The following BCL2 variants were observed in gnomAD, a reference collection of about 807,000 sequenced individuals.
BCL2 encodes apoptosis regulator Bcl-2.
In BCL2, 1 loss-of-function variant was observed where a neutral mutation model predicts 14.2. The ratio of observed to expected loss-of-function variants is 0.07; its 90% CI spans 0.02 to 0.33. BCL2 has a LOEUF of 0.33. BCL2 is among the 10% of genes least tolerant of loss of function. BCL2 has a pLI of 0.99. For synonymous variants in BCL2, 151 were observed against 137.2 expected (o/e 1.10, Z -0.70); for missense variants, 247 against 305.9 (o/e 0.81, Z 1.44).
At chr18:63,133,730 C>G (rs1253943470) in intron 2 of BCL2, among the ~76,000 whole-genome samples, 1 of 152,122 alleles carries the variant, frequency 6.6e-6, no homozygotes, top group Non-Finnish European at 1.5e-5. Flanking sequence ...CCCAAAATAA[C>G]CCTTATGCCC....
chr18:63,169,295 TC>T (rs1568222389), intron 2 of BCL2, among the ~76,000 whole-genome samples: 3 of 93,746 alleles, frequency 3.2e-5, no homozygotes, highest in Admixed American at 2.2e-4. Context: ...TTTCTTTCTT[TC>T]TTTCTTTCTT....
intron 2 of BCL2, among the ~76,000 whole-genome samples, chr18:63,244,727 C>T (rs559821302): frequency 5.9e-5 from 9 of 152,252 alleles, no homozygotes; most frequent in South Asian, 4.1e-4. Context: ...TCATTTCATC[C>T]GTCCTAGGCA....
intron 2 of BCL2, among the ~76,000 whole-genome samples, chr18:63,135,146 T>C (rs1914177346): frequency 6.6e-6 from 1 of 152,236 alleles, no homozygotes; most frequent in South Asian, 2.1e-4. Flanking sequence ...AAATTCGTGG[T>C]GGACAGGAGC....
In BCL2 at chr18:63,168,947, T is replaced by A. The variant is rs73963703; in HGVS notation, c.586-40188A>T. Among the ~76,000 whole-genome samples, 1,461 of 152,312 alleles carry A rather than the reference T, an allele frequency of 9.6e-3. 20 individuals are homozygous for A. The highest frequency in any genetic ancestry group is 0.034 in the African/African-American group (1,413 of 41,566). ...CCTCAGGATTGAACACGCTCAGCGG[T>A]CATCTGTCTTTATCTTGGGGTCTTA... On this transcript the variant is annotated intron_variant, in intron 2 of 2. Coordinates refer to ENST00000333681, the MANE Select transcript of BCL2 (RefSeq NM_000633.3).
At chr18:63,299,087 T>C (rs1912882021) in intron 2 of BCL2, among the ~76,000 whole-genome samples, 1 of 152,252 alleles carries the variant, frequency 6.6e-6, no homozygotes, top group African/African-American at 2.4e-5. Context: ...CCCAGTACTG[T>C]TGTAAGAAAG....
Position 63,124,038 on chromosome 18 carries a change from G to C in BCL2, c.*4587C>G, listed in dbSNP as rs969275574. 6 of 221,508 alleles carry C rather than the reference G, an allele frequency of 2.7e-5. No individual in the cohort carries two copies. The South Asian group carries it at 1.1e-3, about 41-fold the overall frequency. 13.7% of individuals were successfully genotyped at this position (221,508 alleles called of 1,614,324 possible). On this transcript the variant is annotated 3_prime_UTR_variant, in exon 3 of 3. Coordinates refer to ENST00000333681, the MANE Select transcript of BCL2 (RefSeq NM_000633.3). ...GTTTGCTTGAAGTTATTTTTCTGGG[G>C]CAGTCCAGATGAACCGGTACAGTAC... is the stretch of plus-strand genomic sequence containing the variant.
At position 63,222,346 on chromosome 18, in the gene BCL2, G is replaced by A. The variant is rs996649348; in HGVS notation, c.586-93587C>T. Among the ~76,000 whole-genome samples, 3 of 150,838 alleles carry A rather than the reference G, an allele frequency of 2.0e-5. No homozygotes were observed. The East Asian group carries it at 5.8e-4, about 29-fold the overall frequency. ...GAAACAAAGAAAAGGAAAAATATCTGAGGTTGAACTGCCAGTATCACCCCC... is the reference window on the plus strand; with the variant it reads ...GAAACAAAGAAAAGGAAAAATATCTAAGGTTGAACTGCCAGTATCACCCCC... On this transcript the variant is annotated intron_variant, in intron 2 of 2. Coordinates refer to ENST00000333681, the MANE Select transcript of BCL2 (RefSeq NM_000633.3).
At chr18:63,253,844 A>AG (rs1347534843) in intron 2 of BCL2, among the ~76,000 whole-genome samples, 22 of 151,440 alleles carry the variant, frequency 1.5e-4, no homozygotes, top group African/African-American at 5.1e-4. Context: ...AGAAAAAAAA[A>AG]AAAGAAAGAA....
At chr18:63,169,303 TCTTTCTTC>T (rs201618484) in intron 2 of BCL2, among the ~76,000 whole-genome samples, 2,732 of 75,998 alleles carry the variant, frequency 0.036, 101 homozygotes, top group Middle Eastern at 0.12. Context: ...TTTCTTTCTT[TCTTTCTTC>T]CTTCCTTCCT....
Position 63,131,059 on chromosome 18 carries a change from C to T in BCL2, c.586-2300G>A, listed in dbSNP as rs542079108. 3.9e-5 allele frequency among the ~76,000 whole-genome samples: 6 copies of T among 152,154 alleles called. No individual in the cohort carries two copies. The East Asian group carries it at 1.2e-3, about 29-fold the overall frequency. ...GCTACTGGTATCTAGTGGGCAGAGGCCGCGGATGCTGTTCAACATCCCACA... is the reference window on the plus strand; with the variant it reads ...GCTACTGGTATCTAGTGGGCAGAGGTCGCGGATGCTGTTCAACATCCCACA... On this transcript the variant is annotated intron_variant, in intron 2 of 2. Transcript: ENST00000333681.
intron 2 of BCL2, among the ~76,000 whole-genome samples, chr18:63,179,906 T>A (rs1231628947): frequency 6.6e-6 from 1 of 152,228 alleles, no homozygotes; most frequent in Non-Finnish European, 1.5e-5. Flanking sequence ...GTTGTAAGTG[T>A]CCTTATTCTC....
chr18:63,292,189 AT>A (rs1360945488), intron 2 of BCL2, among the ~76,000 whole-genome samples: 5 of 151,000 alleles, frequency 3.3e-5, no homozygotes, highest in Non-Finnish European at 5.9e-5. Flanking sequence ...GGAAGGATTC[AT>A]CACAAACTCC....
intron 2 of BCL2, among the ~76,000 whole-genome samples, chr18:63,218,404 A>G (rs80340086): frequency 5.8e-4 from 88 of 152,122 alleles, no homozygotes; most frequent in African/African-American, 2.0e-3. Context: ...GAGAAGGGAA[A>G]AGCTCCTTCT....
chr18:63,159,159 C>G (rs1295438977), intron 2 of BCL2, among the ~76,000 whole-genome samples: 5 of 152,138 alleles, frequency 3.3e-5, no homozygotes, highest in Non-Finnish European at 7.3e-5. Context: ...TCTCTAGTTT[C>G]AAGATGAGAT....
intron 2 of BCL2, chr18:63,208,130 G>A (rs1365598927): frequency 6.6e-6 from 1 of 152,108 alleles, no homozygotes; most frequent in Non-Finnish European, 1.5e-5. Flanking sequence ...CACCTGTTAT[G>A]GAATATACTT....
chr18:63,282,229 T>C (rs1173497512), intron 2 of BCL2, among the ~76,000 whole-genome samples: 2 of 152,212 alleles, frequency 1.3e-5, no homozygotes, highest in Non-Finnish European at 2.9e-5. Flanking sequence ...TCTTGACACA[T>C]GTAATTAAGA....
At position 63,268,102 on chromosome 18, in the gene BCL2, A is replaced by G. The variant is rs1416115006; in HGVS notation, c.585+49980T>C. 2.0e-5 allele frequency among the ~76,000 whole-genome samples: 3 copies of G among 152,296 alleles called. No homozygotes were observed. The East Asian group carries it at 5.8e-4, about 29-fold the overall frequency. On this transcript the variant is annotated intron_variant, in intron 2 of 2. Coordinates refer to ENST00000333681, the MANE Select transcript of BCL2 (RefSeq NM_000633.3). ...CACTAGAAAGCTGTCACTGTTGTGTATGTGCGTCTGCACACCACCGTGAGT... is the reference window on the plus strand; with the variant it reads ...CACTAGAAAGCTGTCACTGTTGTGTGTGTGCGTCTGCACACCACCGTGAGT...
chr18:63,177,190 C>T (rs1490504150), intron 2 of BCL2, among the ~76,000 whole-genome samples: 2 of 151,822 alleles, frequency 1.3e-5, no homozygotes, highest in Non-Finnish European at 2.9e-5. Context: ...GTCACTGCAC[C>T]CTGCCAACAT....
chr18:63,228,194 A>G (rs781301496), intron 2 of BCL2, among the ~76,000 whole-genome samples: 3 of 152,244 alleles, frequency 2.0e-5, no homozygotes, highest in Non-Finnish European at 4.4e-5. Flanking sequence ...CCACCCAATA[A>G]GCATGGAATA....
Sources: allele counts gnomAD v4.1 joint callset (sites outside exome capture counted in the v4.1 genomes callset), GRCh38; gene constraint gnomAD v4.1.1; transcripts MANE v1.5; gene names NCBI Gene and HGNC (gene_info 2026-07-23, HGNC 2026-07-21).